The following CHAMP1 variants were observed in gnomAD, a reference collection of about 807,000 sequenced individuals.
CHAMP1 encodes chromosome alignment-maintaining phosphoprotein 1.
Under a neutral mutation model 54.5 loss-of-function variants are expected in CHAMP1, and 4 were observed. The observed-to-expected ratio is 0.07, with a 90% CI of 0.04 to 0.17. The LOEUF is 0.17. CHAMP1 is among the 10% of genes least tolerant of loss of function. The pLI is 1.00. For synonymous variants in CHAMP1, 368 were observed against 342.2 expected (o/e 1.08, Z -0.83); for missense variants, 994 against 968.6 (o/e 1.03, Z -0.35).
At chr13:114,315,021 G>A (rs1235568871) in intron 1 of CHAMP1, among the ~76,000 whole-genome samples, 1 of 152,180 alleles carries the variant, frequency 6.6e-6, no homozygotes, top group African/African-American at 2.4e-5. Context: ...AGTGGGAGAG[G>A]ACATTTGTAA....
chr13:114,320,800 CA>C (rs1278891879), intron 1 of CHAMP1, among the ~76,000 whole-genome samples: 1 of 151,984 alleles, frequency 6.6e-6, no homozygotes, highest in South Asian at 2.1e-4. Context: ...ACTAAAAATA[CA>C]AAAAACTAGC....
In CHAMP1 at chr13:114,314,597, C is replaced by T. The variant is rs2087071700; in HGVS notation, c.-225C>T. 2 of 151,950 alleles carry T rather than the reference C, an allele frequency of 1.3e-5. No individual in the cohort carries two copies. Among genetic ancestry groups the T allele is most frequent in the Admixed American group, 6.6e-5 (1 of 15,256 alleles). The allele number at this position is 151,950 out of a possible 1,614,324, so 9.4% of individuals were successfully genotyped here. On this transcript the variant is annotated 5_prime_UTR_variant, in exon 1 of 3. Transcript: ENST00000361283. ...AGCCGCCCGCGACCGCGAGCCGGGC[C>T]CTCCGCGCGGTCCATCGCCCACTGG... is the stretch of plus-strand genomic sequence containing the variant.
chr13:114,316,914 T>C (rs895651329), intron 1 of CHAMP1, among the ~76,000 whole-genome samples: 1 of 152,200 alleles, frequency 6.6e-6, no homozygotes, highest in Non-Finnish European at 1.5e-5. Context: ...CAGCCTGTAG[T>C]AGGAAAAACT....
chr13:114,314,512 G>T lies in CHAMP1; in HGVS notation c.-310G>T, dbSNP rs2087069238. The stretch of plus-strand genomic sequence containing the variant: ...GGGAGCGCGCACGCTCGCGCACCCG[G>T]ATCCCGGCTCCTGCATCCAGTCGCC... On this transcript the variant is annotated 5_prime_UTR_variant, in exon 1 of 3. Transcript: ENST00000361283. 6.6e-6 allele frequency: 1 copy of T among 151,778 alleles called. No individual in the cohort carries two copies. The highest frequency in any genetic ancestry group is 2.4e-5 in the African/African-American group (1 of 41,388). The allele number at this position is 151,778 out of a possible 1,614,324, so 9.4% of individuals were successfully genotyped here.
In CHAMP1 at chr13:114,325,819, T is replaced by C; in HGVS notation, c.1977T>C (p.Asp659=). The C allele has an allele frequency of 6.2e-7, 1 of 1,614,184 alleles. No homozygotes were observed. The highest frequency in any genetic ancestry group is 2.2e-5 in the East Asian group (1 of 44,880). The change falls in exon 3 of 3, where the codon GAT becomes GAC. Residue 659 remains aspartate (D), a synonymous_variant. Transcript: ENST00000361283. ...QESSSDQEQV[D]VESIDFSKEN... is the part of the protein sequence containing the mutation. The stretch of plus-strand genomic sequence containing the variant: ...CAAGCAGTGATCAAGAGCAGGTTGA[T>C]GTGGAATCCATTGATTTTAGCAAAG...
chr13:114,323,085 C>T (rs955003684), intron 2 of CHAMP1: 17 of 152,164 alleles, frequency 1.1e-4, no homozygotes, highest in African/African-American at 4.1e-4. Flanking sequence ...AGGTCTTTTC[C>T]AACGGCCTCT....
rs554230343 is a variant in CHAMP1 at position 114,314,809 on chromosome 13, C to G, written c.-179+166C>G. 2.3e-3 allele frequency among the ~76,000 whole-genome samples: 357 copies of G among 151,990 alleles called. 1 individual carries two copies. Among genetic ancestry groups the G allele is most frequent in the Admixed American group, 3.7e-3 (56 of 15,296 alleles). On this transcript the variant is annotated intron_variant, in intron 1 of 2. Coordinates refer to ENST00000361283, the MANE Select transcript of CHAMP1 (RefSeq NM_032436.4). ...ACGGCCCGAGGGAAGGGCCCGCCCC[C>G]ACAGGCCGGGGCGGGAGTGCGTCTT...
intron 2 of CHAMP1, among the ~76,000 whole-genome samples, chr13:114,321,497 A>G (rs1445206194): frequency 6.6e-6 from 1 of 152,166 alleles, no homozygotes; most frequent in Non-Finnish European, 1.5e-5. Flanking sequence ...GGGGAATGGT[A>G]GGTGAGTCAG....
Position 114,325,025 on chromosome 13 carries a change from C to T in CHAMP1, c.1183C>T (p.Pro395Ser), listed in dbSNP as rs782673915. 7 of 1,614,122 alleles carry T rather than the reference C, an allele frequency of 4.3e-6. No homozygotes were observed. Among genetic ancestry groups the T allele is most frequent in the Non-Finnish European group, 5.1e-6 (6 of 1,180,042 alleles). Residue 395 changes from proline to serine, a missense_variant, in exon 3 of 3, where the codon CCA becomes TCA. Pro to Ser is a moderately conservative substitution (Grantham distance 74). Coordinates refer to ENST00000361283, the MANE Select transcript of CHAMP1 (RefSeq NM_032436.4). The part of the protein sequence containing the change: ...ASPESWKSGP[P>S]ELRKTAPTLS... The stretch of plus-strand genomic sequence containing the variant: ...TCCTGAGTCATGGAAGTCTGGCCCA[C>T]CAGAACTCCGAAAGACAGCTCCCAC...
intron 1 of CHAMP1, among the ~76,000 whole-genome samples, chr13:114,319,099 A>G (rs1371768740): frequency 6.6e-6 from 1 of 152,134 alleles, no homozygotes; most frequent in Non-Finnish European, 1.5e-5. Context: ...AGATCTTACT[A>G]AATTCCACTG....
At position 114,325,689 on chromosome 13, in the gene CHAMP1, C is replaced by T. The variant is rs1566792855; in HGVS notation, c.1847C>T (p.Ser616Leu). ...KLLEDTLFPS[S>L]KKLKKDNQES... ...TTAGAAGATACTTTATTTCCTTCCTCAAAGAAGCTCAAGAAAGACAACCAA... is the reference window on the plus strand; with the variant it reads ...TTAGAAGATACTTTATTTCCTTCCTTAAAGAAGCTCAAGAAAGACAACCAA... The change falls in exon 3 of 3, where the codon TCA becomes TTA. Residue 616 changes from serine to leucine, a missense_variant. Physicochemically the swap from Ser to Leu is moderately radical, Grantham distance 145. Around this residue, in one of 3 missense-constraint regions of CHAMP1, gnomAD observed 851 missense variants for 701.3 expected, o/e 1.21. Coordinates refer to ENST00000361283, the MANE Select transcript of CHAMP1 (RefSeq NM_032436.4). 3 of 1,613,662 alleles carry T rather than the reference C, an allele frequency of 1.9e-6. No individual in the cohort carries two copies. Among genetic ancestry groups the T allele is most frequent in the Non-Finnish European group, 2.5e-6 (3 of 1,179,922 alleles).
intron 1 of CHAMP1, among the ~76,000 whole-genome samples, chr13:114,319,525 T>C (rs919143942): frequency 2.0e-5 from 3 of 152,114 alleles, no homozygotes; most frequent in Non-Finnish European, 4.4e-5. Flanking sequence ...TCTAGGAAGA[T>C]TGGGAAGAAG....
In CHAMP1 at chr13:114,323,579, T is replaced by G. The variant is rs1594868967; in HGVS notation, c.-55-209T>G. The G allele has an allele frequency of 2.8e-5, 11 of 391,230 alleles. No homozygotes were observed. The East Asian group carries it at 4.5e-4, about 16-fold the overall frequency. 24.2% of individuals were successfully genotyped at this position (391,230 alleles called of 1,614,324 possible). A position where few individuals can be genotyped will look rare whatever the true frequency, so the allele number is the denominator to read the frequency against. ...GAAAATAATAGTTGAGTCATATCAT[T>G]AGGATTAAATGAGATGATGTATGTG... On this transcript the variant is annotated intron_variant, in intron 2 of 2. Coordinates refer to ENST00000361283, the MANE Select transcript of CHAMP1 (RefSeq NM_032436.4).
intron 1 of CHAMP1, among the ~76,000 whole-genome samples, chr13:114,318,492 T>G (rs907334379): frequency 1.3e-5 from 2 of 151,846 alleles, no homozygotes; most frequent in African/African-American, 2.4e-5. Context: ...CCCGGCTAAT[T>G]TTTGTATGTT....
chr13:114,316,159 A>ATTTTTGTT (rs1420743558), intron 1 of CHAMP1, among the ~76,000 whole-genome samples: 2 of 149,298 alleles, frequency 1.3e-5, no homozygotes, highest in Admixed American at 1.3e-4. Flanking sequence ...TTTTGTTTTT[A>ATTTTTGTT]TTTTTGTTTT....
intron 2 of CHAMP1, 104 bp downstream of exon 2, chr13:114,321,336 C>T (rs1355325775): frequency 6.6e-6 from 1 of 151,712 alleles, no homozygotes; most frequent in East Asian, 1.9e-4. Flanking sequence ...GTGTACACGC[C>T]CTTATGGATA....
intron 1 of CHAMP1, among the ~76,000 whole-genome samples, chr13:114,316,220 G>C (rs2087097515): frequency 6.7e-6 from 1 of 150,354 alleles, no homozygotes; most frequent in Non-Finnish European, 1.5e-5. Flanking sequence ...CTGGAGTGCA[G>C]TTATGCGATC....
intron 1 of CHAMP1, among the ~76,000 whole-genome samples, chr13:114,320,738 C>T (rs1251143439): frequency 1.3e-5 from 2 of 151,994 alleles, no homozygotes; most frequent in African/African-American, 4.8e-5. Context: ...GGGCGGATCA[C>T]GAGGTCAGGA....
chr13:114,317,174 C>T lies in CHAMP1; in HGVS notation c.-179+2531C>T, dbSNP rs749077782. On this transcript the variant is annotated intron_variant, in intron 1 of 2. Coordinates refer to ENST00000361283, the MANE Select transcript of CHAMP1 (RefSeq NM_032436.4). ...CTGGGATTATAGGTATGCACCACCA[C>T]GCCCAGCTAATTTTTGTATTTTTAG... Among the ~76,000 whole-genome samples, 4 of 152,046 alleles carry T rather than the reference C, an allele frequency of 2.6e-5. 1 individual carries two copies. The highest frequency in any genetic ancestry group is 3.9e-4 in the East Asian group (2 of 5,140).
Sources: allele counts gnomAD v4.1 joint callset (sites outside exome capture counted in the v4.1 genomes callset), GRCh38; gene constraint gnomAD v4.1.1; regional missense constraint gnomAD v4.1.1; transcripts MANE v1.5; gene names NCBI Gene and HGNC (gene_info 2026-07-23, HGNC 2026-07-21).